TMEM88: variants seen among roughly 807,000 people sequenced by gnomAD.
TMEM88 encodes the protein transmembrane protein 88.
TMEM88 carries 8 observed loss-of-function variants against 10.0 expected under a neutral mutation model. That is an observed-to-expected ratio of 0.80 (90% CI 0.47 to 1.44). TMEM88 has a LOEUF of 1.44. TMEM88 is among the 40% of genes most tolerant of loss of function. The pLI, the probability that TMEM88 is intolerant of heterozygous loss-of-function variation, is 0.00. For missense variants in TMEM88, 255 were observed against 217.8 expected (o/e 1.17, Z -1.07); for synonymous variants, 139 against 104.9 (o/e 1.33, Z -1.99).
chr17:7,855,373 C>T, intron 1 of TMEM88, 72 bp from the exon 2 acceptor site: 2 of 1,590,386 alleles, frequency 1.3e-6, no homozygotes, highest in Non-Finnish European at 8.5e-7. Context: ...CAACTTCAAC[C>T]CGCCTGGGCT....
At position 7,855,664 on chromosome 17, in the gene TMEM88, G is replaced by T. The variant is rs750043004; in HGVS notation, c.430G>T (p.Ala144Ser). The change falls in exon 2 of 2, where the codon GCC becomes TCC. Residue 144 changes from alanine to serine, a missense_variant. Coordinates refer to ENST00000301599, the MANE Select transcript of TMEM88 (RefSeq NM_203411.2). ...CGCCCCGCAGCCGCGGCAAATCCGG[G>T]CCTCACCAGGGTCCCAGGCCGTTCC... is the stretch of plus-strand genomic sequence containing the variant. Reference protein sequence around the residue: ...RRAPQPRQIRASPGSQAVPTS... With the variant: ...RRAPQPRQIRSSPGSQAVPTS... 1.2e-6 allele frequency: 2 copies of T among 1,604,892 alleles called. No individual in the cohort carries two copies. Among genetic ancestry groups the T allele is most frequent in the Admixed American group, 3.4e-5 (2 of 59,246 alleles).
At position 7,855,723 on chromosome 17, in the gene TMEM88, G is replaced by T; in HGVS notation, c.*9G>T. 6.5e-7 allele frequency: 1 copy of T among 1,535,388 alleles called. No individual in the cohort carries two copies. On this transcript the variant is annotated 3_prime_UTR_variant, in exon 2 of 2. Transcript: ENST00000301599. Reference sequence around the variant, plus strand: ...GAAAGGTCTGGGTCTAATGACCCTCGAGTCAAGAACAACCCTGACGGCTGC... The same window carrying T: ...GAAAGGTCTGGGTCTAATGACCCTCTAGTCAAGAACAACCCTGACGGCTGC...
intron 1 of TMEM88, 73 bp from the exon 2 acceptor site, chr17:7,855,372 C>A (rs1372952497): frequency 6.3e-7 from 1 of 1,589,694 alleles, no homozygotes; most frequent in Non-Finnish European, 8.5e-7. Context: ...ACAACTTCAA[C>A]CCGCCTGGGC....
chr17:7,855,263 C>T lies in TMEM88; in HGVS notation c.189C>T (p.Phe63=), dbSNP rs757670105. Residue 63 remains phenylalanine, a synonymous_variant, in exon 1 of 2, where the codon TTC becomes TTT. Transcript: ENST00000301599. The part of the protein sequence containing the change: ...ILLPAVTMLG[F]GFLCHSQFLR... ...TACCCGCTGTCACCATGCTGGGCTT[C>T]GGCTTCCTCTGCCACTCTCAGGTGA... 1.6e-5 allele frequency: 25 copies of T among 1,599,888 alleles called. No homozygotes were observed. In the Middle Eastern group the frequency reaches 1.2e-3, roughly 74 times the overall value.
At chr17:7,855,340 C>G in intron 1 of TMEM88, 56 bp downstream of exon 1, 1 of 1,588,718 alleles carries the variant, frequency 6.3e-7, no homozygotes, top group Non-Finnish European at 8.5e-7. Flanking sequence ...TGTGGTGATG[C>G]TGGCGGTGGG....
At position 7,855,228 on chromosome 17, in the gene TMEM88, A is replaced by T. The variant is rs761730196; in HGVS notation, c.154A>T (p.Thr52Ser). ...NLLLLVLVLG[T>S]ILLPAVTMLG... ...TCTCCTGCTGGTGCTGGTGCTAGGGACCATCTTGCTACCCGCTGTCACCAT... is the reference window on the plus strand; with the variant it reads ...TCTCCTGCTGGTGCTGGTGCTAGGGTCCATCTTGCTACCCGCTGTCACCAT... The change falls in exon 1 of 2, where the codon ACC (threonine) becomes TCC (serine). Residue 52 changes from threonine to serine, a missense_variant. Transcript: ENST00000301599. 3 of 1,607,446 alleles carry T rather than the reference A, an allele frequency of 1.9e-6. No individual in the cohort carries two copies. Among genetic ancestry groups the T allele is most frequent in the African/African-American group, 2.7e-5 (2 of 74,838 alleles).
chr17:7,855,308 C>CGTGTGA (rs769339123), intron 1 of TMEM88, 24 bp downstream of exon 1: 6 of 1,582,856 alleles, frequency 3.8e-6, no homozygotes, highest in African/African-American at 2.7e-5. Flanking sequence ...CCGGGGTGTG[C>CGTGTGA]GTGTGAGTGT....
In TMEM88 at chr17:7,855,438, C is replaced by T. The variant is rs774398863; in HGVS notation, c.211-7C>T. The T allele has an allele frequency of 1.2e-6, 2 of 1,602,112 alleles. No homozygotes were observed. The highest frequency in any genetic ancestry group is 1.7e-6 in the Non-Finnish European group (2 of 1,179,078). ...TCGGCTTGGGCCTGACGCCTCTTCTCCCACAGTTCCTGCGCTCCCAGGCAC... is the reference window on the plus strand; with the variant it reads ...TCGGCTTGGGCCTGACGCCTCTTCTTCCACAGTTCCTGCGCTCCCAGGCAC... On this transcript the variant is annotated splice_region_variant and splice_polypyrimidine_tract_variant and intron_variant, in intron 1 of 1. Coordinates refer to ENST00000301599, the MANE Select transcript of TMEM88 (RefSeq NM_203411.2).
At position 7,855,840 on chromosome 17, in the gene TMEM88, T is replaced by G. The variant is rs577196083; in HGVS notation, c.*126T>G. 69 of 1,420,756 alleles carry G rather than the reference T, an allele frequency of 4.9e-5. No homozygotes were observed. The highest frequency in any genetic ancestry group is 6.1e-5 in the Non-Finnish European group (67 of 1,090,032). 88.0% of individuals were successfully genotyped at this position (1,420,756 alleles called of 1,614,324 possible). A position where few individuals can be genotyped will look rare whatever the true frequency, so the allele number is the denominator to read the frequency against. On this transcript the variant is annotated 3_prime_UTR_variant, in exon 2 of 2. Transcript: ENST00000301599. ...GCCTGAGCGGAGTCCTAGCATCCCCTTGGGAGCAGCAGCGTCAGTGGACCC... is the reference window on the plus strand; with the variant it reads ...GCCTGAGCGGAGTCCTAGCATCCCCGTGGGAGCAGCAGCGTCAGTGGACCC...
In TMEM88 at chr17:7,855,082, A is replaced by G; in HGVS notation, c.8A>G (p.Asp3Gly). Residue 3 changes from aspartate (D) to glycine (G), a missense_variant, in exon 1 of 2, where the codon GAT becomes GGT. Asp to Gly is a moderately conservative substitution (Grantham distance 94). Coordinates refer to ENST00000301599, the MANE Select transcript of TMEM88 (RefSeq NM_203411.2). Reference sequence around the variant, plus strand: ...GCGGGATCCAGGCGGGCCATGGCGGATGTCCCCGGGGCACAGCGAGCGGTT... The same window carrying G: ...GCGGGATCCAGGCGGGCCATGGCGGGTGTCCCCGGGGCACAGCGAGCGGTT... Reference protein sequence around the residue: MADVPGAQRAVPG... With the variant: MAGVPGAQRAVPG... The G allele has an allele frequency of 6.2e-7, 1 of 1,601,192 alleles. No individual in the cohort carries two copies. Among genetic ancestry groups the G allele is most frequent in the Non-Finnish European group, 8.5e-7 (1 of 1,179,256 alleles).
rs773342716 is a variant in TMEM88, at chr17:7,855,231, A to G, written c.157A>G (p.Ile53Val). 24 of 1,607,500 alleles carry G rather than the reference A, an allele frequency of 1.5e-5. 1 individual carries two copies. In the South Asian group the frequency reaches 2.7e-4, roughly 18 times the overall value. Residue 53 changes from isoleucine (I) to valine (V), a missense_variant, in exon 1 of 2, where the codon ATC becomes GTC. Transcript: ENST00000301599. The part of the protein sequence containing the change: ...LLLLVLVLGT[I>V]LLPAVTMLGF... Reference sequence around the variant, plus strand: ...CCTGCTGGTGCTGGTGCTAGGGACCATCTTGCTACCCGCTGTCACCATGCT... The same window carrying G: ...CCTGCTGGTGCTGGTGCTAGGGACCGTCTTGCTACCCGCTGTCACCATGCT...
chr17:7,855,243 G>T lies in TMEM88; in HGVS notation c.169G>T (p.Ala57Ser), dbSNP rs866071380. The T allele has an allele frequency of 6.2e-7, 1 of 1,604,996 alleles. No individual in the cohort carries two copies. Among genetic ancestry groups the T allele is most frequent in the East Asian group, 2.2e-5 (1 of 44,570 alleles). The change falls in exon 1 of 2, where the codon GCT becomes TCT. Residue 57 changes from alanine to serine, a missense_variant. Coordinates refer to ENST00000301599, the MANE Select transcript of TMEM88 (RefSeq NM_203411.2). ...VLVLGTILLP[A>S]VTMLGFGFLC... ...GGTGCTAGGGACCATCTTGCTACCC[G>T]CTGTCACCATGCTGGGCTTCGGCTT...
rs2078791252 is a variant in TMEM88, at chr17:7,855,300, G to A, written c.210+16G>A. ...CCACTCTCAGGTGAGCGTGCGCCCC[G>A]GGGTGTGCGTGTGAGTGTGAGTGTT... On this transcript the variant is annotated intron_variant, in intron 1 of 1. Coordinates refer to ENST00000301599, the MANE Select transcript of TMEM88 (RefSeq NM_203411.2). The A allele has an allele frequency of 3.1e-6, 5 of 1,589,566 alleles. No homozygotes were observed. The highest frequency in any genetic ancestry group is 1.3e-5 in the African/African-American group (1 of 74,608).
In TMEM88 at chr17:7,855,147, T is replaced by G; in HGVS notation, c.73T>G (p.Trp25Gly). The G allele has an allele frequency of 1.2e-6, 2 of 1,611,870 alleles. No individual in the cohort carries two copies. The highest frequency in any genetic ancestry group is 1.7e-6 in the Non-Finnish European group (2 of 1,179,658). The stretch of plus-strand genomic sequence containing the variant: ...AGAGCCCCGGGACCCCCTGGACTGT[T>G]GGGCCTGCGCTGTTCTTGTAACAGC... ...GPEPRDPLDC[W>G]ACAVLVTAQN... Residue 25 changes from tryptophan to glycine, a missense_variant, in exon 1 of 2, where the codon TGG (tryptophan) becomes GGG (glycine). Trp to Gly is a radical substitution (Grantham distance 184). Transcript: ENST00000301599.
chr17:7,855,455 C>T lies in TMEM88; in HGVS notation c.221C>T (p.Ser74Phe), dbSNP rs867475628. 1.9e-6 allele frequency: 3 copies of T among 1,604,582 alleles called. No individual in the cohort carries two copies. In the East Asian group the frequency reaches 6.7e-5, roughly 36 times the overall value. The change falls in exon 2 of 2, where the codon TCC becomes TTC. Residue 74 changes from serine (S) to phenylalanine (F), a missense_variant. Ser to Phe is a radical substitution (Grantham distance 155). Coordinates refer to ENST00000301599, the MANE Select transcript of TMEM88 (RefSeq NM_203411.2). ...GFLCHSQFLR[S>F]QAPPCTAHLR... ...CCTCTTCTCCCACAGTTCCTGCGCT[C>T]CCAGGCACCCCCTTGCACCGCGCAC...
In TMEM88 at chr17:7,855,736, C is replaced by A; in HGVS notation, c.*22C>A. On this transcript the variant is annotated 3_prime_UTR_variant, in exon 2 of 2. Coordinates refer to ENST00000301599, the MANE Select transcript of TMEM88 (RefSeq NM_203411.2). ...CTAATGACCCTCGAGTCAAGAACAACCCTGACGGCTGCCCTCCCTCTTATT... is the reference window on the plus strand; with the variant it reads ...CTAATGACCCTCGAGTCAAGAACAAACCTGACGGCTGCCCTCCCTCTTATT... 6.7e-7 allele frequency: 1 copy of A among 1,503,658 alleles called. No individual in the cohort carries two copies. Among genetic ancestry groups the A allele is most frequent in the Non-Finnish European group, 8.9e-7 (1 of 1,123,748 alleles). The allele number at this position is 1,503,658 out of a possible 1,614,324, so 93.1% of individuals were successfully genotyped here. A position where few individuals can be genotyped will look rare whatever the true frequency, so the allele number is the denominator to read the frequency against.
chr17:7,856,090 A>G lies in TMEM88; in HGVS notation c.*376A>G. On this transcript the variant is annotated 3_prime_UTR_variant, in exon 2 of 2. Transcript: ENST00000301599. ...GTGTCCACGCATCAATAAAGATTTA[A>G]CGAACTGAACGCGCTCTGCGAACAG... The G allele has an allele frequency of 1.3e-6, 1 of 757,500 alleles. No homozygotes were observed. The highest frequency in any genetic ancestry group is 1.8e-6 in the Non-Finnish European group (1 of 546,002). The allele number at this position is 757,500 out of a possible 1,614,324, so 46.9% of individuals were successfully genotyped here.
In TMEM88 at chr17:7,855,436, CT is replaced by C; in HGVS notation, c.211-8del. ...GGTCGGCTTGGGCCTGACGCCTCTT[CT>C]CCCACAGTTCCTGCGCTCCCAGGCA... On this transcript the variant is annotated splice_region_variant and splice_polypyrimidine_tract_variant and intron_variant, in intron 1 of 1. Transcript: ENST00000301599. 6.2e-7 allele frequency: 1 copy of C among 1,601,864 alleles called. No homozygotes were observed. Among genetic ancestry groups the C allele is most frequent in the Non-Finnish European group, 8.5e-7 (1 of 1,178,924 alleles).
Position 7,855,074 on chromosome 17 carries a change from C to A in TMEM88, c.-1C>A. ...CCAGGCGGGCGGGATCCAGGCGGGC[C>A]ATGGCGGATGTCCCCGGGGCACAGC... On this transcript the variant is annotated 5_prime_UTR_variant, in exon 1 of 2. Transcript: ENST00000301599. The A allele has an allele frequency of 6.3e-7, 1 of 1,599,508 alleles. No homozygotes were observed. Among genetic ancestry groups the A allele is most frequent in the South Asian group, 1.1e-5 (1 of 90,634 alleles).
Sources: allele counts gnomAD v4.1 joint callset, GRCh38; gene constraint gnomAD v4.1.1; transcripts MANE v1.5; gene names NCBI Gene and HGNC (gene_info 2026-07-23, HGNC 2026-07-21).